Variants in CSMD1 observed in about 807,000 individuals in gnomAD.
The protein encoded by CSMD1 is CUB and Sushi multiple domains 1, also known as CUB and sushi domain-containing protein 1.
A neutral mutation model predicts 417.5 loss-of-function variants in CSMD1; 213 were observed. That is an observed-to-expected ratio of 0.51 (90% CI 0.46 to 0.57). The LOEUF (loss-of-function observed/expected upper bound fraction) is 0.57, where lower values mean the gene tolerates loss of function less well. Among genes scored for constraint, CSMD1 ranks in the 20% least tolerant of loss-of-function variants. CSMD1 has a pLI of 0.00. For missense variants in CSMD1, 6,923 were observed against 4,529.7 expected (o/e 1.53, Z -15.17); for synonymous variants, 2,862 against 1,736.8 (o/e 1.65, Z -16.11).
At chr8:4,776,079 C>T (rs919104417) in intron 1 of CSMD1, among the ~76,000 whole-genome samples, 3 of 152,022 alleles carry the variant, frequency 2.0e-5, no homozygotes, top group African/African-American at 7.3e-5. Flanking sequence ...GTTTGGATCT[C>T]AGATTTGAAG....
At chr8:4,017,245 A>C (rs1796567355) in intron 4 of CSMD1, among the ~76,000 whole-genome samples, 2 of 151,992 alleles carry the variant, frequency 1.3e-5, no homozygotes, top group African/African-American at 4.8e-5. Context: ...TTTTTTTCAC[A>C]ATTCAAGGCT....
At chr8:3,059,677 G>A (rs1335490545) in intron 49 of CSMD1, among the ~76,000 whole-genome samples, 2 of 152,126 alleles carry the variant, frequency 1.3e-5, no homozygotes, top group Non-Finnish European at 2.9e-5. Flanking sequence ...GGTCCTGAGT[G>A]GGGCAGACGT....
At chr8:3,941,519 G>A (rs1378342335) in intron 5 of CSMD1, among the ~76,000 whole-genome samples, 1 of 152,054 alleles carries the variant, frequency 6.6e-6, no homozygotes, top group Non-Finnish European at 1.5e-5. Flanking sequence ...ATTTAAATGT[G>A]CTTAGTTTTA....
chr8:3,620,750 G>T (rs1802383702), intron 7 of CSMD1, among the ~76,000 whole-genome samples: 1 of 151,820 alleles, frequency 6.6e-6, no homozygotes, highest in Admixed American at 6.6e-5. Context: ...GACAAAGGAG[G>T]GACAAAAATG....
chr8:4,190,373 A>G (rs967525470), intron 3 of CSMD1, among the ~76,000 whole-genome samples: 3 of 152,076 alleles, frequency 2.0e-5, no homozygotes, highest in African/African-American at 7.2e-5. Context: ...TTCCTCACCA[A>G]TGAAGCAGCC....
intron 1 of CSMD1, among the ~76,000 whole-genome samples, chr8:4,722,249 C>T (rs1718427874): frequency 6.6e-6 from 1 of 151,946 alleles, no homozygotes; most frequent in Non-Finnish European, 1.5e-5. Context: ...TTTGACTATG[C>T]ATATCAAGCT....
At chr8:4,432,925 G>T (rs1236402281) in intron 2 of CSMD1, among the ~76,000 whole-genome samples, 1 of 152,216 alleles carries the variant, frequency 6.6e-6, no homozygotes, top group Non-Finnish European at 1.5e-5. Flanking sequence ...AGGCTGTGTT[G>T]TTTTCACAGC....
chr8:4,652,648 C>T (rs1301833791), intron 1 of CSMD1, among the ~76,000 whole-genome samples: 1 of 151,864 alleles, frequency 6.6e-6, no homozygotes, highest in Non-Finnish European at 1.5e-5. Context: ...GAGACTCTGT[C>T]TCAAAATTTA....
At chr8:3,088,941 G>C (rs535696750) in intron 48 of CSMD1, among the ~76,000 whole-genome samples, 1 of 151,934 alleles carries the variant, frequency 6.6e-6, no homozygotes, top group African/African-American at 2.4e-5. Context: ...AAGTTTGCAG[G>C]AAGTGAGACC....
intron 3 of CSMD1, among the ~76,000 whole-genome samples, chr8:4,145,300 A>G (rs936532955): frequency 2.6e-5 from 4 of 151,024 alleles, no homozygotes; most frequent in Non-Finnish European, 5.9e-5. Context: ...CTTGTTGAGA[A>G]CTTTATGGTA....
intron 1 of CSMD1, among the ~76,000 whole-genome samples, chr8:4,744,146 T>G (rs188850906): frequency 1.3e-5 from 2 of 152,284 alleles, no homozygotes; most frequent in Non-Finnish European, 2.9e-5. Context: ...GCCAATTTCT[T>G]TGGGTTCCCT....
At chr8:3,637,266 G>T (rs1188778390) in intron 7 of CSMD1, among the ~76,000 whole-genome samples, 1 of 152,100 alleles carries the variant, frequency 6.6e-6, no homozygotes, top group Non-Finnish European at 1.5e-5. Flanking sequence ...AAAACAGGTT[G>T]TCTCACTTGC....
chr8:4,081,841 G>T (rs565031735), intron 3 of CSMD1, among the ~76,000 whole-genome samples: 16 of 152,018 alleles, frequency 1.1e-4, no homozygotes, highest in African/African-American at 2.7e-4. Context: ...AAAAAAAGTT[G>T]AAACCAAATA....
chr8:3,564,517 T>A (rs867682959), intron 10 of CSMD1, among the ~76,000 whole-genome samples: 1 of 145,392 alleles, frequency 6.9e-6, no homozygotes, highest in Non-Finnish European at 1.5e-5. Flanking sequence ...CACAGTATAT[T>A]TGTGTGTGTG....
intron 4 of CSMD1, among the ~76,000 whole-genome samples, chr8:4,012,060 C>T (rs1025204620): frequency 1.1e-4 from 17 of 152,048 alleles, no homozygotes; most frequent in Admixed American, 2.0e-4. Context: ...GGTACAGATG[C>T]AGCCATCATA....
intron 19 of CSMD1, among the ~76,000 whole-genome samples, chr8:3,368,542 T>A (rs1395415220): frequency 6.6e-6 from 1 of 152,170 alleles, no homozygotes; most frequent in Non-Finnish European, 1.5e-5. Context: ...TTCCACCATA[T>A]TGGCTAGTCT....
chr8:4,534,734 C>T (rs1002011091), intron 2 of CSMD1, among the ~76,000 whole-genome samples: 3 of 152,050 alleles, frequency 2.0e-5, no homozygotes, highest in African/African-American at 7.2e-5. Flanking sequence ...TTATGACCTC[C>T]AACTCCATCC....
At chr8:4,463,513 G>A (rs1247438392) in intron 2 of CSMD1, among the ~76,000 whole-genome samples, 1 of 152,060 alleles carries the variant, frequency 6.6e-6, no homozygotes, top group Non-Finnish European at 1.5e-5. Flanking sequence ...CAATACAAAT[G>A]TCAGTCAACC....
chr8:3,009,171 A>G (rs754487843), intron 52 of CSMD1, among the ~76,000 whole-genome samples: 6 of 152,186 alleles, frequency 3.9e-5, no homozygotes, highest in Non-Finnish European at 8.8e-5. Flanking sequence ...CAGGTCTCCC[A>G]CACACGCACT....
Sources: allele counts gnomAD v4.1 joint callset (sites outside exome capture counted in the v4.1 genomes callset), GRCh38; gene constraint gnomAD v4.1.1; transcripts MANE v1.5; gene names NCBI Gene and HGNC (gene_info 2026-07-23, HGNC 2026-07-21).